CSNK2A2IP: variants seen among roughly 807,000 people sequenced by gnomAD.
The protein encoded by CSNK2A2IP is casein kinase 2 subunit alpha' interacting protein, also known as casein kinase II subunit alpha'-interacting protein.
chr3:88,451,696 AT>A, the CSNK2A2IP span, among the ~76,000 whole-genome samples: 1 of 147,044 alleles, frequency 6.8e-6, no homozygotes, highest in Non-Finnish European at 1.5e-5. Flanking sequence ...GTGAGTTAAA[AT>A]TTTTTTATAT....
At chr3:88,452,127 C>T in the CSNK2A2IP span, among the ~76,000 whole-genome samples, 8 of 151,968 alleles carry the variant, frequency 5.3e-5, no homozygotes, top group African/African-American at 1.7e-4. Context: ...GTCAGGTTTC[C>T]ACCCCTTGCT....
the CSNK2A2IP span, among the ~76,000 whole-genome samples, chr3:88,358,537 T>C: frequency 6.7e-6 from 1 of 150,048 alleles, no homozygotes; most frequent in Non-Finnish European, 1.5e-5. Context: ...GTTTTTTTTT[T>C]AATCATGAAA....
the CSNK2A2IP span, chr3:88,465,317 C>T: frequency 1.3e-5 from 15 of 1,190,270 alleles, no homozygotes; most frequent in Non-Finnish European, 1.4e-5. Flanking sequence ...ATCATCCCCA[C>T]AAGCCAACTG....
the CSNK2A2IP span, among the ~76,000 whole-genome samples, chr3:88,375,794 C>T: frequency 1.3e-5 from 2 of 151,730 alleles, no homozygotes; most frequent in East Asian, 3.9e-4. Flanking sequence ...AAACTCAAAA[C>T]TTAACTCCTG....
At chr3:88,356,880 G>C in the CSNK2A2IP span, among the ~76,000 whole-genome samples, 1 of 151,898 alleles carries the variant, frequency 6.6e-6, no homozygotes, top group East Asian at 1.9e-4. Flanking sequence ...ATATCTGTTG[G>C]CCTTTTTTAT....
At chr3:88,467,533 A>T in the CSNK2A2IP span, 2 of 398,442 alleles carry the variant, frequency 5.0e-6, no homozygotes, top group Admixed American at 8.8e-5. Context: ...GGGAGCAAAC[A>T]CACTGTTCAA....
At chr3:88,380,243 C>T in the CSNK2A2IP span, among the ~76,000 whole-genome samples, 1 of 151,888 alleles carries the variant, frequency 6.6e-6, no homozygotes, top group African/African-American at 2.4e-5. Context: ...AGGTAAATCA[C>T]TCCATTTAGG....
At chr3:88,429,113 G>T in the CSNK2A2IP span, among the ~76,000 whole-genome samples, 2 of 151,454 alleles carry the variant, frequency 1.3e-5, no homozygotes, top group African/African-American at 2.4e-5. Flanking sequence ...TGGTCCAATG[G>T]CTATTAACCA....
chr3:88,340,030 C>T, the CSNK2A2IP span, among the ~76,000 whole-genome samples: 10 of 151,904 alleles, frequency 6.6e-5, no homozygotes, highest in Non-Finnish European at 1.2e-4. Context: ...TGCCTATTTG[C>T]GAGGACACGG....
At chr3:88,410,702 C>A in the CSNK2A2IP span, among the ~76,000 whole-genome samples, 1 of 151,832 alleles carries the variant, frequency 6.6e-6, no homozygotes, top group Admixed American at 6.6e-5. Flanking sequence ...ATGAATTTAA[C>A]GATTGTTAAA....
chr3:88,389,678 G>A, the CSNK2A2IP span, among the ~76,000 whole-genome samples: 3 of 152,138 alleles, frequency 2.0e-5, no homozygotes, highest in Admixed American at 1.3e-4. Context: ...AGCTTCTCGT[G>A]GCTTGCACTA....
At chr3:88,350,304 T>C in the CSNK2A2IP span, among the ~76,000 whole-genome samples, 1 of 152,158 alleles carries the variant, frequency 6.6e-6, no homozygotes, top group African/African-American at 2.4e-5. Flanking sequence ...CAGTTTTAGT[T>C]TATACCTTAA....
chr3:88,342,695 G>A, the CSNK2A2IP span, among the ~76,000 whole-genome samples: 1 of 143,558 alleles, frequency 7.0e-6, no homozygotes, highest in African/African-American at 2.5e-5. Context: ...AAAATAAAAG[G>A]ATCTGAGCAA....
chr3:88,367,319 T>C, the CSNK2A2IP span, among the ~76,000 whole-genome samples: 1 of 152,010 alleles, frequency 6.6e-6, no homozygotes, highest in Non-Finnish European at 1.5e-5. Context: ...TCCTTAATTA[T>C]GTATGAGGGC....
chr3:88,462,118 T>C, the CSNK2A2IP span, among the ~76,000 whole-genome samples: 15 of 117,074 alleles, frequency 1.3e-4, no homozygotes, highest in African/African-American at 3.4e-4. Context: ...TTTTTTCATA[T>C]ATATATATAT....
chr3:88,368,606 T>G, the CSNK2A2IP span, among the ~76,000 whole-genome samples: 2 of 152,016 alleles, frequency 1.3e-5, no homozygotes, highest in Admixed American at 1.3e-4. Context: ...AAACAAAAAA[T>G]TCCTATAGGT....
chr3:88,436,939 AG>A, the CSNK2A2IP span, among the ~76,000 whole-genome samples: 4 of 152,182 alleles, frequency 2.6e-5, no homozygotes, highest in East Asian at 7.7e-4. Flanking sequence ...AATTTTTAAT[AG>A]GAAAATGTGA....
At chr3:88,450,426 C>T in the CSNK2A2IP span, among the ~76,000 whole-genome samples, 1 of 152,076 alleles carries the variant, frequency 6.6e-6, no homozygotes, top group African/African-American at 2.4e-5. Flanking sequence ...ACATACTTAT[C>T]TCTTCTGGTC....
At chr3:88,346,100 C>T in the CSNK2A2IP span, among the ~76,000 whole-genome samples, 1 of 151,968 alleles carries the variant, frequency 6.6e-6, no homozygotes, top group Admixed American at 6.6e-5. Context: ...TTCCCTCAAG[C>T]CAAAGCCAAA....
Sources: allele counts gnomAD v4.1 joint callset (sites outside exome capture counted in the v4.1 genomes callset), GRCh38; gene constraint gnomAD v4.1.1; transcripts MANE v1.5; gene names NCBI Gene and HGNC (gene_info 2026-07-23, HGNC 2026-07-21).